PLB1: variants seen among roughly 807,000 people sequenced by gnomAD.
PLB1 encodes the protein phospholipase B1, also known as phospholipase B1, membrane-associated.
PLB1 carries 242 observed loss-of-function variants against 227.4 expected under a neutral mutation model. That is an observed-to-expected ratio of 1.06 (90% confidence interval 0.96 to 1.18). The LOEUF (loss-of-function observed/expected upper bound fraction) is 1.18. Among genes scored for constraint, PLB1 ranks in the 50% most tolerant of loss-of-function variants. The probability of loss-of-function intolerance (pLI) is 0.00; values close to 1 mark genes in which losing one functional copy is unlikely to be tolerated. For synonymous variants in PLB1, 757 were observed against 682.2 expected (o/e 1.11, Z -1.71); for missense variants, 1,858 against 1,816.3 (o/e 1.02, Z -0.42).
chr2:28,544,837 G>A (rs573170295), intron 14 of PLB1, among the ~76,000 whole-genome samples: 32 of 152,288 alleles, frequency 2.1e-4, no homozygotes, highest in African/African-American at 7.2e-4. Context: ...GAAGAGGCCT[G>A]TCTGATAAGA....
intron 23 of PLB1, among the ~76,000 whole-genome samples, chr2:28,581,815 G>A (rs1273365270): frequency 6.6e-6 from 1 of 152,084 alleles, no homozygotes; most frequent in East Asian, 1.9e-4. Flanking sequence ...ACAAAAATTA[G>A]CCAGGTGTGG....
intron 4 of PLB1, among the ~76,000 whole-genome samples, chr2:28,520,938 G>T (rs997340829): frequency 6.6e-6 from 1 of 152,120 alleles, no homozygotes; most frequent in Non-Finnish European, 1.5e-5. Context: ...TCATGCCATT[G>T]CACTCCGGCC....
intron 44 of PLB1, among the ~76,000 whole-genome samples, chr2:28,614,638 G>A (rs1464876118): frequency 2.0e-5 from 3 of 152,178 alleles, no homozygotes; most frequent in South Asian, 2.1e-4. Flanking sequence ...CTGCAAAGAC[G>A]GCCTGGAGGA....
chr2:28,637,373 A>G (rs1340096313), intron 56 of PLB1, among the ~76,000 whole-genome samples: 3 of 151,762 alleles, frequency 2.0e-5, no homozygotes, highest in African/African-American at 7.3e-5. Context: ...AGAGAGTCTG[A>G]CTTAATTGGT....
At chr2:28,552,587 G>A (rs1442619949) in intron 16 of PLB1, among the ~76,000 whole-genome samples, 1 of 152,142 alleles carries the variant, frequency 6.6e-6, no homozygotes, top group Non-Finnish European at 1.5e-5. Flanking sequence ...ATCAGATCAC[G>A]TTGAGAATGA....
chr2:28,531,994 A>G (rs1483629835), intron 8 of PLB1, 114 bp from the exon 9 acceptor site: 8 of 775,730 alleles, frequency 1.0e-5, no homozygotes, highest in Non-Finnish European at 1.5e-5. Flanking sequence ...AAAAATTCAT[A>G]CATGAGTTTT....
At chr2:28,532,411 C>A (rs767770133) in intron 9 of PLB1, among the ~76,000 whole-genome samples, 1 of 152,160 alleles carries the variant, frequency 6.6e-6, no homozygotes, top group Admixed American at 6.5e-5. Context: ...CTTGAACAGG[C>A]GTTCTGTGGG....
chr2:28,590,194 C>T (rs914554868), intron 29 of PLB1, 118 bp downstream of exon 29: 5 of 873,478 alleles, frequency 5.7e-6, no homozygotes, highest in Non-Finnish European at 9.3e-6. Context: ...TTTTATACTC[C>T]AGGGTTAACT....
chr2:28,591,080 A>G (rs1188550061), intron 29 of PLB1, 53 bp from the exon 30 acceptor site: 2 of 1,609,096 alleles, frequency 1.2e-6, no homozygotes, highest in African/African-American at 1.3e-5. Context: ...AGTGCTGACA[A>G]GCAGAGAAGT....
intron 46 of PLB1, among the ~76,000 whole-genome samples, chr2:28,619,616 T>C (rs527598308): frequency 3.1e-4 from 47 of 150,118 alleles, no homozygotes; most frequent in Middle Eastern, 3.6e-3. Context: ...AATTTGGAAA[T>C]GTAAGCTGCT....
chr2:28,534,501 A>G (rs6547857), intron 9 of PLB1, among the ~76,000 whole-genome samples: 124,430 of 152,220 alleles, frequency 0.82, 51,240 homozygotes, highest in Middle Eastern at 0.87. Flanking sequence ...CATCATTTCT[A>G]TATGGATACT....
chr2:28,575,411 G>T (rs1678760736), intron 21 of PLB1, among the ~76,000 whole-genome samples: 1 of 152,044 alleles, frequency 6.6e-6, no homozygotes, highest in Non-Finnish European at 1.5e-5. Flanking sequence ...ACTACCATGT[G>T]GTTCCTAGGA....
At chr2:28,576,918 G>A (rs942209972) in intron 21 of PLB1, among the ~76,000 whole-genome samples, 2 of 152,158 alleles carry the variant, frequency 1.3e-5, no homozygotes, top group Non-Finnish European at 2.9e-5. Flanking sequence ...AGGCCAGTAG[G>A]GCTAATAGAT....
chr2:28,609,873 C>T (rs953448780), intron 43 of PLB1, among the ~76,000 whole-genome samples: 6 of 152,276 alleles, frequency 3.9e-5, no homozygotes, highest in Admixed American at 3.9e-4. Flanking sequence ...TTCCTTTTCC[C>T]ACTGCCACTG....
chr2:28,529,176 C>G lies in PLB1; in HGVS notation c.326-141C>G. 4.8e-6 allele frequency: 3 copies of G among 619,748 alleles called. No homozygotes were observed. In the South Asian group the frequency reaches 5.8e-5, roughly 12 times the overall value. 38.4% of individuals were successfully genotyped at this position (619,748 alleles called of 1,614,324 possible). A position where few individuals can be genotyped will look rare whatever the true frequency, so the allele number is the denominator to read the frequency against. On this transcript the variant is annotated intron_variant, in intron 6 of 57. Coordinates refer to ENST00000327757, the MANE Select transcript of PLB1 (RefSeq NM_153021.5). The stretch of plus-strand genomic sequence containing the variant: ...CCCTGCCTGGTCTCAAACTCTTGGG[C>G]TCAAGTGATCCTCCTGCCTCAGCCT...
rs534795769 is a variant in PLB1, at chr2:28,539,951, C to T, written c.699-415C>T. 3.3e-5 allele frequency among the ~76,000 whole-genome samples: 5 copies of T among 151,108 alleles called. No homozygotes were observed. In the East Asian group the frequency reaches 9.8e-4, roughly 30 times the overall value. Reference sequence around the variant, plus strand: ...AAGCTTCCCTCTATCCCATAGCCACCCTCCAGGGAGAGCTTCCCTCCATCC... The same window carrying T: ...AAGCTTCCCTCTATCCCATAGCCACTCTCCAGGGAGAGCTTCCCTCCATCC... On this transcript the variant is annotated intron_variant, in intron 11 of 57. Transcript: ENST00000327757.
chr2:28,614,187 T>C, intron 44 of PLB1, 91 bp downstream of exon 44: 1 of 1,238,778 alleles, frequency 8.1e-7, no homozygotes, highest in Non-Finnish European at 1.2e-6. Flanking sequence ...GAGTATTCAC[T>C]GAAGCAGAAA....
chr2:28,515,540 A>C (rs970615939), intron 1 of PLB1, among the ~76,000 whole-genome samples: 1 of 152,208 alleles, frequency 6.6e-6, no homozygotes, highest in African/African-American at 2.4e-5. Flanking sequence ...TTCCTTGTGC[A>C]AGCTCTAATG....
At chr2:28,632,573 G>C (rs1688779518) in intron 55 of PLB1, among the ~76,000 whole-genome samples, 1 of 151,960 alleles carries the variant, frequency 6.6e-6, no homozygotes, top group African/African-American at 2.4e-5. Flanking sequence ...TGAATCACGA[G>C]GTTAGGAGTT....
Sources: allele counts gnomAD v4.1 joint callset (sites outside exome capture counted in the v4.1 genomes callset), GRCh38; gene constraint gnomAD v4.1.1; transcripts MANE v1.5; gene names NCBI Gene and HGNC (gene_info 2026-07-23, HGNC 2026-07-21).